RFX8: variants seen among roughly 807,000 people sequenced by gnomAD.
The protein encoded by RFX8 is regulatory factor X8, also known as DNA-binding protein RFX8.
In RFX8, 46 loss-of-function variants were observed where a neutral mutation model predicts 54.6. The ratio of observed to expected loss-of-function variants is 0.84; its 90% CI spans 0.67 to 1.08. The LOEUF (loss-of-function observed/expected upper bound fraction) is 1.08. Among genes scored for constraint, RFX8 ranks in the 50% least tolerant of loss-of-function variants. The pLI is 0.00. For missense variants in RFX8, 536 were observed against 562.3 expected, an observed-to-expected ratio of 0.95 and a Z score of 0.47; for synonymous variants, 192 against 209.5, an observed-to-expected ratio of 0.92 and a Z score of 0.72.
intron 9 of RFX8, among the ~76,000 whole-genome samples, chr2:101,409,473 G>T (rs1459995644): frequency 6.6e-6 from 1 of 151,740 alleles, no homozygotes; most frequent in Non-Finnish European, 1.5e-5. Flanking sequence ...TGATCTGCCT[G>T]CCTCGGCCAC....
At chr2:101,461,262 C>CAAAAAAAAAAAAAAAA (rs11350961) in intron 2 of RFX8, among the ~76,000 whole-genome samples, 6 of 89,900 alleles carry the variant, frequency 6.7e-5, no homozygotes, top group Admixed American at 1.4e-4. Flanking sequence ...GACTCCATCT[C>CAAAAAAAAAAAAAAAA]AAAAAAAAAA....
chr2:101,455,597 C>A (rs1230866464), intron 2 of RFX8, among the ~76,000 whole-genome samples: 2 of 152,116 alleles, frequency 1.3e-5, no homozygotes, highest in African/African-American at 4.8e-5. Flanking sequence ...GTACCAGTAC[C>A]ATGCTGTTTT....
chr2:101,399,606 C>T (rs1398527399), intron 11 of RFX8, among the ~76,000 whole-genome samples: 1 of 152,100 alleles, frequency 6.6e-6, no homozygotes, highest in African/African-American at 2.4e-5. Flanking sequence ...CTTAGGAGGC[C>T]GTGGTGGAGA....
rs1272132259 is a variant in RFX8, at chr2:101,453,819, G to A, written c.72+12958C>T. Among the ~76,000 whole-genome samples, 5 of 152,010 alleles carry A rather than the reference G, an allele frequency of 3.3e-5. No individual in the cohort carries two copies. The East Asian group carries it at 7.7e-4, about 23-fold the overall frequency. ...AAACATAGTTATAATTGGGCTCACA[G>A]GTTGGCATCATAGTCCAACCTGTGA... On this transcript the variant is annotated intron_variant, in intron 2 of 11. Transcript: ENST00000428343.
At chr2:101,428,751 G>A (rs571949450) in intron 2 of RFX8, among the ~76,000 whole-genome samples, 92 of 152,346 alleles carry the variant, frequency 6.0e-4, no homozygotes, top group African/African-American at 2.1e-3. Context: ...CAAACAGTAC[G>A]TTCCTTAAGG....
chr2:101,415,390 G>A (rs1252824410), intron 6 of RFX8, among the ~76,000 whole-genome samples: 1 of 152,220 alleles, frequency 6.6e-6, no homozygotes, highest in Non-Finnish European at 1.5e-5. Flanking sequence ...ATCTGCTGGT[G>A]CCTTGATCTT....
At chr2:101,472,102 T>C (rs993530664) in intron 1 of RFX8, among the ~76,000 whole-genome samples, 1 of 152,092 alleles carries the variant, frequency 6.6e-6, no homozygotes, top group African/African-American at 2.4e-5. Context: ...CTGTTTTGGG[T>C]TTTTTATTTT....
rs558499886 is a variant in RFX8, at chr2:101,438,767, A to G, written c.73-16295T>C. Reference sequence around the variant, plus strand: ...CTGTCACTACTTTTTATTTTAGTCAATCTGGTAGGTGTGTAGTGACATCTC... The same window carrying G: ...CTGTCACTACTTTTTATTTTAGTCAGTCTGGTAGGTGTGTAGTGACATCTC... On this transcript the variant is annotated intron_variant, in intron 2 of 11. Transcript: ENST00000428343. Among the ~76,000 whole-genome samples the G allele has an allele frequency of 1.3e-4, 20 of 152,186 alleles. No individual in the cohort carries two copies. The South Asian group carries it at 1.5e-3, about 11-fold the overall frequency.
rs1435608922 is a variant in RFX8 at position 101,445,397 on chromosome 2, G to A, written c.72+21380C>T. On this transcript the variant is annotated intron_variant, in intron 2 of 11. Transcript: ENST00000428343. Reference sequence around the variant, plus strand: ...TGTCTTCAGGCCACATCTCGCGATTGTTCCTTTTTTTTTGAGACAGGGTCT... The same window carrying A: ...TGTCTTCAGGCCACATCTCGCGATTATTCCTTTTTTTTTGAGACAGGGTCT... 2.0e-5 allele frequency among the ~76,000 whole-genome samples: 3 copies of A among 152,008 alleles called. No homozygotes were observed. In the East Asian group the frequency reaches 5.8e-4, roughly 29 times the overall value.
At chr2:101,460,330 C>G (rs1689199143) in intron 2 of RFX8, among the ~76,000 whole-genome samples, 1 of 152,172 alleles carries the variant, frequency 6.6e-6, no homozygotes, top group Admixed American at 6.5e-5. Flanking sequence ...CTGCGTCGAT[C>G]TCACTGAGAG....
intron 1 of RFX8, 196 bp downstream of exon 1, chr2:101,474,440 A>G: frequency 2.8e-6 from 1 of 362,414 alleles, no homozygotes; most frequent in Non-Finnish European, 4.9e-6. Context: ...TCCAGGCCCG[A>G]GCCCGGGGGC....
intron 6 of RFX8, among the ~76,000 whole-genome samples, chr2:101,416,462 G>A (rs990642539): frequency 2.6e-5 from 4 of 152,092 alleles, no homozygotes; most frequent in African/African-American, 7.2e-5. Flanking sequence ...GAGGAGTGGC[G>A]ATTAGACATG....
chr2:101,406,088 A>T lies in RFX8; in HGVS notation c.814-31T>A, dbSNP rs780674705. 6.2e-6 allele frequency: 8 copies of T among 1,296,866 alleles called. No individual in the cohort carries two copies. The South Asian group carries it at 1.1e-4, about 17-fold the overall frequency. The allele number at this position is 1,296,866 out of a possible 1,614,324, so 80.3% of individuals were successfully genotyped here. A position where few individuals can be genotyped will look rare whatever the true frequency, so the allele number is the denominator to read the frequency against. ...AAGTTTTTGTGAGAAAAAAGGCTGC[A>T]GTTTGTAATAAAATCAAGAAGCATA... On this transcript the variant is annotated intron_variant, in intron 9 of 11. Transcript: ENST00000428343.
At chr2:101,446,297 T>G (rs1050780873) in intron 2 of RFX8, among the ~76,000 whole-genome samples, 1 of 152,170 alleles carries the variant, frequency 6.6e-6, no homozygotes, top group Non-Finnish European at 1.5e-5. Context: ...TGCCTCAGCC[T>G]CCCAAGTAGC....
Position 101,414,920 on chromosome 2 carries a change from GAAC to G in RFX8, c.503-11_503-9del. On this transcript the variant is annotated splice_polypyrimidine_tract_variant and intron_variant, in intron 6 of 11. Coordinates refer to ENST00000428343, the MANE Select transcript of RFX8 (RefSeq NM_001145664.2). ...TGACAAATAGAGTAACTTCTGTTAAGAACAACACACGTGGCCATTAATACAATA... is the reference window on the plus strand; with the variant it reads ...TGACAAATAGAGTAACTTCTGTTAAGAACACACGTGGCCATTAATACAATA... 3.2e-6 allele frequency: 5 copies of G among 1,545,174 alleles called. No individual in the cohort carries two copies. The highest frequency in any genetic ancestry group is 4.4e-6 in the Non-Finnish European group (5 of 1,142,566).
intron 2 of RFX8, among the ~76,000 whole-genome samples, chr2:101,457,335 T>C (rs953515476): frequency 5.9e-5 from 9 of 152,226 alleles, no homozygotes; most frequent in Non-Finnish European, 1.0e-4. Flanking sequence ...CTTTCTCTTG[T>C]GGGCATTTAG....
chr2:101,397,989 G>C (rs1685219818), intron 11 of RFX8, among the ~76,000 whole-genome samples: 1 of 152,094 alleles, frequency 6.6e-6, no homozygotes, highest in African/African-American at 2.4e-5. Flanking sequence ...CTCCCAAGTT[G>C]CTGGGATTAC....
chr2:101,423,202 G>C (rs1425633772), intron 2 of RFX8, among the ~76,000 whole-genome samples: 1 of 149,452 alleles, frequency 6.7e-6, no homozygotes, highest in Non-Finnish European at 1.5e-5. Flanking sequence ...AGGTTGCAGT[G>C]AGCCAAGATC....
intron 5 of RFX8, 32 bp downstream of exon 5, chr2:101,418,819 G>T: frequency 7.3e-7 from 1 of 1,363,578 alleles, no homozygotes; most frequent in South Asian, 1.2e-5. Flanking sequence ...TTCTGCAAAG[G>T]ATATACTCTA....
Sources: gnomAD v4.1 joint callset for allele counts (sites outside exome capture counted in the v4.1 genomes callset) on GRCh38, gnomAD v4.1.1 for gene constraint, MANE v1.5 for transcripts, NCBI Gene and HGNC (gene_info 2026-07-23, HGNC 2026-07-21) for gene names.